Variants in STAG3 observed in about 807,000 individuals in gnomAD.
The protein encoded by STAG3 is cohesin subunit SA-3.
In STAG3, 101 loss-of-function variants were observed where a neutral mutation model predicts 160.7. The ratio of observed to expected loss-of-function variants is 0.63; its 90% CI spans 0.54 to 0.74. STAG3 has a LOEUF of 0.74. Among genes scored for constraint, STAG3 ranks in the 30% least tolerant of loss-of-function variants. The probability of loss-of-function intolerance (pLI) is 0.00; values close to 1 mark genes in which losing one functional copy is unlikely to be tolerated. For missense variants in STAG3, 1,188 were observed against 1,517.4 expected (o/e 0.78, Z 3.61); for synonymous variants, 519 against 585.0 (o/e 0.89, Z 1.63).
At chr7:100,217,655 A>G (rs890713072), downstream of STAG3, among the ~76,000 whole-genome samples, 1 of 152,134 alleles carries the variant, frequency 6.6e-6, no homozygotes, top group Non-Finnish European at 1.5e-5. Context: ...GGGGCAGGGT[A>G]AGGAGTGCGA....
intron 15 of STAG3, 80 bp from the exon 16 acceptor site, chr7:100,199,461 G>T: frequency 6.5e-7 from 1 of 1,545,120 alleles, no homozygotes. Context: ...GGCAGCAACG[G>T]TGGCATCGGG....
At chr7:100,215,283 C>T (rs1444595811), downstream of STAG3, 1 of 152,172 alleles carries the variant, frequency 6.6e-6, no homozygotes, top group Non-Finnish European at 1.5e-5. Context: ...CAGAAAAAGC[C>T]GTGACTCCCT....
rs1305171883 is a variant in STAG3, at chr7:100,197,016, G to A, written c.942-140G>A. On this transcript the variant is annotated intron_variant, in intron 9 of 33. Coordinates refer to ENST00000615138, the MANE Select transcript of STAG3 (RefSeq NM_001282717.2). ...TTACTATATATATAGTATTTACATC[G>A]GGAGGAAGAAATGAAAGGCATGGGG... is the stretch of plus-strand genomic sequence containing the variant. 17 of 628,264 alleles carry A rather than the reference G, an allele frequency of 2.7e-5. No individual in the cohort carries two copies. In the East Asian group the frequency reaches 3.3e-4, roughly 12 times the overall value. 38.9% of individuals were successfully genotyped at this position (628,264 alleles called of 1,614,324 possible).
chr7:100,217,505 G>C (rs1299828956), downstream of STAG3, among the ~76,000 whole-genome samples: 2 of 146,412 alleles, frequency 1.4e-5, no homozygotes, highest in African/African-American at 5.1e-5. Flanking sequence ...GGAGATGAGA[G>C]ATGGTAGAAA....
At chr7:100,194,630 A>G (rs904227543) in intron 8 of STAG3, among the ~76,000 whole-genome samples, 1 of 152,126 alleles carries the variant, frequency 6.6e-6, no homozygotes, top group African/African-American at 2.4e-5. Context: ...TCTACAAAAA[A>G]AAAAATTTTT....
chr7:100,196,077 T>C (rs1394730214), intron 9 of STAG3, among the ~76,000 whole-genome samples: 1 of 151,066 alleles, frequency 6.6e-6, no homozygotes, highest in Admixed American at 6.6e-5. Context: ...TGCGGTGAGC[T>C]GAGATGACGC....
chr7:100,214,329 T>C lies in STAG3; in HGVS notation c.*314T>C. On this transcript the variant is annotated 3_prime_UTR_variant, in exon 34 of 34. Coordinates refer to ENST00000615138, the MANE Select transcript of STAG3 (RefSeq NM_001282717.2). The stretch of plus-strand genomic sequence containing the variant: ...GTCTCCTGGATTTTTGGAACATCTT[T>C]CTCAGCCTATTTTGTGTCCTAATGA... The C allele has an allele frequency of 4.5e-6, 2 of 443,944 alleles. No individual in the cohort carries two copies. The highest frequency in any genetic ancestry group is 8.1e-6 in the Non-Finnish European group (2 of 248,412). 27.5% of individuals were successfully genotyped at this position (443,944 alleles called of 1,614,324 possible).
chr7:100,213,722 TCA>T lies in STAG3; in HGVS notation c.3601-12_3601-11del. On this transcript the variant is annotated splice_polypyrimidine_tract_variant and intron_variant, in intron 32 of 33. Transcript: ENST00000615138. ...GTAAAGGCCTTTTTGACTTTTAACC[TCA>T]TTCTCTCTAGCAAGCAAGTAGCTAC... 1 of 1,614,188 alleles carries T rather than the reference TCA, an allele frequency of 6.2e-7. No individual in the cohort carries two copies. The highest frequency in any genetic ancestry group is 8.5e-7 in the Non-Finnish European group (1 of 1,180,026).
At chr7:100,218,771 G>C (rs183418879), downstream of STAG3, 4 of 278,014 alleles carry the variant, frequency 1.4e-5, no homozygotes, top group Non-Finnish European at 2.9e-5. Context: ...CATAGACATC[G>C]TGAGGTCTTC....
chr7:100,197,073 A>G (rs1376076704), intron 9 of STAG3, 83 bp from the exon 10 acceptor site: 5 of 1,532,578 alleles, frequency 3.3e-6, no homozygotes, highest in Admixed American at 1.7e-5. Flanking sequence ...AAATTCTTCC[A>G]TGAGAGGGAG....
At chr7:100,208,319 A>G (rs1471508646) in intron 29 of STAG3, among the ~76,000 whole-genome samples, 1 of 152,188 alleles carries the variant, frequency 6.6e-6, no homozygotes, top group Non-Finnish European at 1.5e-5. Flanking sequence ...ACTATATGAA[A>G]GATACTATGT....
downstream of STAG3, among the ~76,000 whole-genome samples, chr7:100,217,583 C>G (rs1251813778): frequency 6.6e-6 from 1 of 152,058 alleles, no homozygotes; most frequent in Non-Finnish European, 1.5e-5. Context: ...CACCTAGACG[C>G]GGAGACCAGT....
At position 100,184,463 on chromosome 7, in the gene STAG3, G is replaced by GGTTTTTTTTTTTTTTTTTTTTTTTT. The variant is rs71126310; in HGVS notation, c.336+1624_336+1625insGTTTTTTTTTTTTTTTTTTTTTTTT. On this transcript the variant is annotated intron_variant, in intron 4 of 33. Coordinates refer to ENST00000615138, the MANE Select transcript of STAG3 (RefSeq NM_001282717.2). ...TTATATGCAGTTGTACAGCGTGTTA[G>GGTTTTTTTTTTTTTTTTTTTTTTTT]TTTTTTTTTTTTTTTTTTTTTTTGA... is the stretch of plus-strand genomic sequence containing the variant. Among the ~76,000 whole-genome samples, 4 of 98,552 alleles carry GGTTTTTTTTTTTTTTTTTTTTTTTT rather than the reference G, an allele frequency of 4.1e-5. 1 individual carries two copies. Among genetic ancestry groups the GGTTTTTTTTTTTTTTTTTTTTTTTT allele is most frequent in the Non-Finnish European group, 5.8e-5 (3 of 52,022 alleles). The allele number at this position is 98,552 out of a possible 152,430, so 64.7% of individuals were successfully genotyped here. A position where few individuals can be genotyped will look rare whatever the true frequency, so the allele number is the denominator to read the frequency against.
rs1003100305 is a variant in STAG3 at position 100,201,794 on chromosome 7, G to T, written c.2229G>T (p.Leu743=). ...ACCCTTTGTTGTTACAGGTTATCCT[G>T]CCAGCCTTGACTCTTGTCTATTTTT... ...DTGEVPHQVI[L]PALTLVYFSI... The change falls in exon 22 of 34, where the codon CTG becomes CTT. Residue 743 remains leucine, a synonymous_variant. Coordinates refer to ENST00000615138, the MANE Select transcript of STAG3 (RefSeq NM_001282717.2). The T allele has an allele frequency of 1.2e-6, 2 of 1,614,080 alleles. No individual in the cohort carries two copies. Among genetic ancestry groups the T allele is most frequent in the Non-Finnish European group, 1.7e-6 (2 of 1,180,008 alleles).
chr7:100,211,839 A>G lies in STAG3; in HGVS notation c.3563A>G (p.Gln1188Arg). ...EEDEEEELEI[Q>R]DESNEERQDT... ...GACGAGGAAGAAGAGTTAGAAATCC[A>G]GGATGAGTCAAATGAAGAACGGCAG... The change falls in exon 32 of 34, where the codon CAG becomes CGG. Residue 1188 changes from glutamine to arginine, a missense_variant. Coordinates refer to ENST00000615138, the MANE Select transcript of STAG3 (RefSeq NM_001282717.2). 1 of 1,614,170 alleles carries G rather than the reference A, an allele frequency of 6.2e-7. No homozygotes were observed. Among genetic ancestry groups the G allele is most frequent in the Non-Finnish European group, 8.5e-7 (1 of 1,180,032 alleles).
rs920207410 is a variant in STAG3, at chr7:100,214,193, C to T, written c.*178C>T. ...ACCTTTCCCTCTGGGGTAGAGAAGC[C>T]GAGAGACCCTGTCCTCCCTAATGCA... On this transcript the variant is annotated 3_prime_UTR_variant, in exon 34 of 34. Coordinates refer to ENST00000615138, the MANE Select transcript of STAG3 (RefSeq NM_001282717.2). The T allele has an allele frequency of 5.5e-5, 46 of 839,160 alleles. No homozygotes were observed. In the Admixed American group the frequency reaches 8.4e-4, roughly 15 times the overall value. 52.0% of individuals were successfully genotyped at this position (839,160 alleles called of 1,614,324 possible).
At chr7:100,193,162 C>A (rs1199804088) in intron 8 of STAG3, among the ~76,000 whole-genome samples, 1 of 152,130 alleles carries the variant, frequency 6.6e-6, no homozygotes, top group African/African-American at 2.4e-5. Context: ...GTAGGCCTCA[C>A]CCATGTGCTT....
chr7:100,200,253 G>A lies in STAG3; in HGVS notation c.1695G>A (p.Glu565=). The change falls in exon 17 of 34, where the codon GAG becomes GAA. Residue 565 remains glutamate, a synonymous_variant. Transcript: ENST00000615138. ...VTGRKGLTSK[E]RKTQADDRVK... ...CATTCCAGGGCTTAACCTCTAAGGA[G>A]CGCAAGACCCAAGCCGATGACAGGG... The A allele has an allele frequency of 6.2e-7, 1 of 1,612,428 alleles. No homozygotes were observed.
chr7:100,193,419 G>A (rs1800464144), intron 8 of STAG3, among the ~76,000 whole-genome samples: 1 of 152,208 alleles, frequency 6.6e-6, no homozygotes, highest in Non-Finnish European at 1.5e-5. Flanking sequence ...GAAAATCCTA[G>A]ATTTTCCAAT....
Sources: gnomAD v4.1 joint callset for allele counts (sites outside exome capture counted in the v4.1 genomes callset) on GRCh38, gnomAD v4.1.1 for gene constraint, MANE v1.5 for transcripts, NCBI Gene and HGNC (gene_info 2026-07-23, HGNC 2026-07-21) for gene names.